UNC5D: variants seen among roughly 807,000 people sequenced by gnomAD.
The protein encoded by UNC5D is unc-5 netrin receptor D, also known as netrin receptor UNC5D.
Under a neutral mutation model 105.4 loss-of-function variants are expected in UNC5D, and 39 were observed. The observed-to-expected ratio is 0.37, with a 90% CI of 0.29 to 0.48. The LOEUF is 0.48. UNC5D is among the 20% of genes least tolerant of loss of function. The probability of loss-of-function intolerance (pLI) is 0.98; values close to 1 mark genes in which losing one functional copy is unlikely to be tolerated. For missense variants in UNC5D, 991 were observed against 1,202.4 expected (o/e 0.82, Z 2.60); for synonymous variants, 452 against 450.4 (o/e 1.00, Z -0.04).
At chr8:35,496,288 G>A (rs983584498) in intron 1 of UNC5D, among the ~76,000 whole-genome samples, 19 of 152,144 alleles carry the variant, frequency 1.2e-4, no homozygotes, top group African/African-American at 4.6e-4. Flanking sequence ...ATGCTGAATT[G>A]CTGAGGTCAA....
chr8:35,497,523 G>C (rs1811675058), intron 1 of UNC5D, among the ~76,000 whole-genome samples: 1 of 152,158 alleles, frequency 6.6e-6, no homozygotes, highest in African/African-American at 2.4e-5. Context: ...CAGAAGAGAA[G>C]CAGGGTTGGC....
chr8:35,667,674 A>G (rs1001707793), intron 4 of UNC5D, among the ~76,000 whole-genome samples: 9 of 152,214 alleles, frequency 5.9e-5, no homozygotes, highest in Non-Finnish European at 1.3e-4. Flanking sequence ...CCTACCTTCC[A>G]GGTATTAATC....
chr8:35,410,422 G>A (rs181532531), intron 1 of UNC5D, among the ~76,000 whole-genome samples: 2 of 152,068 alleles, frequency 1.3e-5, no homozygotes, highest in African/African-American at 2.4e-5. Context: ...TTTGAATAGG[G>A]GAAACTAACA....
rs1161701221 is a variant in UNC5D at position 35,750,605 on chromosome 8, A to G, written c.1959A>G (p.Glu653=). The change falls in exon 13 of 17, where the codon GAA becomes GAG. Residue 653 remains glutamate, a synonymous_variant. Transcript: ENST00000404895. ...AGGAAGTGATGTCAGTGGAAGATGA[A>G]TCTACATCCTGTTACTGCCTTTTGG... is the stretch of plus-strand genomic sequence containing the variant. The part of the protein sequence containing the change: ...KWEEVMSVED[E]STSCYCLLDP... The G allele has an allele frequency of 1.9e-6, 3 of 1,614,056 alleles. No homozygotes were observed. In the African/African-American group the frequency reaches 4.0e-5, roughly 22 times the overall value.
chr8:35,502,363 T>C (rs938552381), intron 1 of UNC5D, among the ~76,000 whole-genome samples: 1 of 152,206 alleles, frequency 6.6e-6, no homozygotes, highest in African/African-American at 2.4e-5. Context: ...TTGTCACACA[T>C]GCGTGTGGCA....
At chr8:35,601,128 C>G (rs1819851048) in intron 4 of UNC5D, among the ~76,000 whole-genome samples, 1 of 152,142 alleles carries the variant, frequency 6.6e-6, no homozygotes, top group Admixed American at 6.5e-5. Context: ...GGCATTATGT[C>G]TGAGGGCTCC....
rs112066750 is a variant in UNC5D, at chr8:35,515,774, T to C, written c.104-33518T>C. On this transcript the variant is annotated intron_variant, in intron 1 of 16. Coordinates refer to ENST00000404895, the MANE Select transcript of UNC5D (RefSeq NM_080872.4). ...GAATCAATATAAAACTATTTTTTCC[T>C]TGTTTCTCTGACTGCTTTATGGATA... Among the ~76,000 whole-genome samples the C allele has an allele frequency of 7.5e-3, 1,150 of 152,326 alleles. 3 individuals carry two copies. The highest frequency in any genetic ancestry group is 0.012 in the Non-Finnish European group (827 of 68,024).
intron 4 of UNC5D, among the ~76,000 whole-genome samples, chr8:35,682,045 A>T (rs1280521777): frequency 6.6e-6 from 1 of 152,034 alleles, no homozygotes; most frequent in African/African-American, 2.4e-5. Flanking sequence ...GCTCACTGTA[A>T]CCTCTGCCTC....
intron 1 of UNC5D, among the ~76,000 whole-genome samples, chr8:35,533,979 A>G (rs1814635275): frequency 6.6e-6 from 1 of 152,142 alleles, no homozygotes; most frequent in African/African-American, 2.4e-5. Context: ...CCGGTACCTC[A>G]GATGGAAATG....
Position 35,722,214 on chromosome 8 carries a change from T to C in UNC5D, c.1122T>C (p.Ile374=). 2 of 1,613,368 alleles carry C rather than the reference T, an allele frequency of 1.2e-6. No individual in the cohort carries two copies. The change falls in exon 9 of 17, where the codon ATT becomes ATC. Residue 374 remains isoleucine (I), a synonymous_variant. Coordinates refer to ENST00000404895, the MANE Select transcript of UNC5D (RefSeq NM_080872.4). ...AATTTCTCTTGTGTCTTTCAGGCAT[T>C]GAGAATGCCAGCGACATTGCTTTGT... The part of the protein sequence containing the change: ...KPLHEIKPQS[I]ENASDIALYS...
chr8:35,736,022 A>G (rs777653790), intron 11 of UNC5D, among the ~76,000 whole-genome samples: 3 of 152,166 alleles, frequency 2.0e-5, no homozygotes, highest in East Asian at 1.9e-4. Flanking sequence ...TTTATGTTAT[A>G]GTAGACATTT....
intron 1 of UNC5D, among the ~76,000 whole-genome samples, chr8:35,431,023 T>C (rs1007140917): frequency 6.6e-6 from 1 of 152,194 alleles, no homozygotes; most frequent in East Asian, 1.9e-4. Context: ...TCTGTGATCT[T>C]GGGCCAGTCA....
chr8:35,241,775 C>T (rs1802822040), intron 1 of UNC5D, among the ~76,000 whole-genome samples: 1 of 151,628 alleles, frequency 6.6e-6, no homozygotes, highest in African/African-American at 2.4e-5. Context: ...TAGTAAAGAT[C>T]AAATCAGTGT....
At chr8:35,503,640 A>G (rs1292260156) in intron 1 of UNC5D, among the ~76,000 whole-genome samples, 1 of 152,194 alleles carries the variant, frequency 6.6e-6, no homozygotes, top group Non-Finnish European at 1.5e-5. Flanking sequence ...CTCAAGAAGG[A>G]AGGAATGGAG....
chr8:35,374,222 G>A (rs1433083569), intron 1 of UNC5D, among the ~76,000 whole-genome samples: 2 of 152,146 alleles, frequency 1.3e-5, no homozygotes, highest in Non-Finnish European at 2.9e-5. Flanking sequence ...TCACTTAAAC[G>A]ATGACAGAAA....
chr8:35,485,091 C>T (rs1352852162), intron 1 of UNC5D, among the ~76,000 whole-genome samples: 1 of 152,128 alleles, frequency 6.6e-6, no homozygotes. Context: ...TTCATTGGAT[C>T]GCTCTCCCCT....
intron 1 of UNC5D, among the ~76,000 whole-genome samples, chr8:35,452,352 C>T (rs1222914071): frequency 1.3e-5 from 2 of 152,142 alleles, no homozygotes; most frequent in Non-Finnish European, 2.9e-5. Flanking sequence ...GCCATCTCCA[C>T]CTCCCAGGTT....
At chr8:35,505,032 A>G (rs1354377069) in intron 1 of UNC5D, among the ~76,000 whole-genome samples, 1 of 152,224 alleles carries the variant, frequency 6.6e-6, no homozygotes, top group East Asian at 1.9e-4. Context: ...AAAAGAGTAT[A>G]CTTGGATTGT....
At chr8:35,438,230 GTAA>G (rs1408318953) in intron 1 of UNC5D, among the ~76,000 whole-genome samples, 1 of 151,978 alleles carries the variant, frequency 6.6e-6, no homozygotes, top group Non-Finnish European at 1.5e-5. Context: ...TCTCCATTTA[GTAA>G]TAATGGGATT....
Sources: gnomAD v4.1 joint callset for allele counts (sites outside exome capture counted in the v4.1 genomes callset) on GRCh38, gnomAD v4.1.1 for gene constraint, MANE v1.5 for transcripts, NCBI Gene and HGNC (gene_info 2026-07-23, HGNC 2026-07-21) for gene names.